Variants in LAMA2 observed in about 807,000 individuals in gnomAD.
The protein encoded by LAMA2 is laminin subunit alpha 2, also known as laminin subunit alpha-2.
In LAMA2, 269 loss-of-function variants were observed where a neutral mutation model predicts 364.8. The ratio of observed to expected loss-of-function variants is 0.74; its 90% CI spans 0.67 to 0.82. LAMA2 has a LOEUF of 0.82. Among genes scored for constraint, LAMA2 ranks in the 40% least tolerant of loss-of-function variants. The pLI is 0.00. For synonymous variants in LAMA2, 1,379 were observed against 1,370.6 expected, an observed-to-expected ratio of 1.01 and a Z score of -0.14; for missense variants, 3,807 against 3,873.2, an observed-to-expected ratio of 0.98 and a Z score of 0.45.
intron 1 of LAMA2, among the ~76,000 whole-genome samples, chr6:128,984,848 G>T (rs1783117151): frequency 6.6e-6 from 1 of 152,064 alleles, no homozygotes. Flanking sequence ...TAAATTCCAT[G>T]TATCCACCCT....
At chr6:129,236,315 T>C (rs1223963849) in intron 12 of LAMA2, among the ~76,000 whole-genome samples, 2 of 152,162 alleles carry the variant, frequency 1.3e-5, no homozygotes, top group East Asian at 3.9e-4. Flanking sequence ...ACTTTCATAT[T>C]CTATATTTTG....
At chr6:129,387,015 A>G (rs1478790297) in intron 35 of LAMA2, among the ~76,000 whole-genome samples, 3 of 152,066 alleles carry the variant, frequency 2.0e-5, no homozygotes, top group African/African-American at 7.2e-5. Context: ...GACTATTTCA[A>G]TAACAGTAAT....
intron 12 of LAMA2, among the ~76,000 whole-genome samples, chr6:129,203,238 C>G (rs746634837): frequency 1.3e-5 from 2 of 152,302 alleles, no homozygotes; most frequent in Admixed American, 1.3e-4. Context: ...TAAAACTTCA[C>G]GTTGTTTTCT....
chr6:129,177,986 A>T, intron 10 of LAMA2, 120 bp downstream of exon 10: 3 of 1,049,176 alleles, frequency 2.9e-6, no homozygotes, highest in Non-Finnish European at 4.3e-6. Flanking sequence ...TCCATAATCT[A>T]TTCTACGTGT....
intron 1 of LAMA2, among the ~76,000 whole-genome samples, chr6:128,973,650 G>A (rs528500403): frequency 2.0e-5 from 3 of 152,210 alleles, no homozygotes; most frequent in South Asian, 2.1e-4. Context: ...AGAGTTTGCC[G>A]AGTTTCTTCT....
At chr6:129,275,628 TAG>T (rs1374984408) in intron 17 of LAMA2, among the ~76,000 whole-genome samples, 1 of 151,676 alleles carries the variant, frequency 6.6e-6, no homozygotes, top group Non-Finnish European at 1.5e-5. Context: ...TATAAGGGAC[TAG>T]AGCAGGATGA....
At chr6:129,499,049 AATC>A (rs773746820) in intron 58 of LAMA2, among the ~76,000 whole-genome samples, 1 of 152,116 alleles carries the variant, frequency 6.6e-6, no homozygotes, top group Non-Finnish European at 1.5e-5. Flanking sequence ...TCACTGCTCT[AATC>A]AACAGGTGCA....
At chr6:129,009,937 T>C (rs933697182) in intron 1 of LAMA2, among the ~76,000 whole-genome samples, 7 of 152,174 alleles carry the variant, frequency 4.6e-5, no homozygotes, top group Non-Finnish European at 1.5e-5. Context: ...AGATTAAAAA[T>C]GCTCCAGTTG....
intron 37 of LAMA2, among the ~76,000 whole-genome samples, chr6:129,397,412 T>C (rs1694545265): frequency 6.6e-6 from 1 of 152,216 alleles, no homozygotes; most frequent in South Asian, 2.1e-4. Context: ...TCATTCATTT[T>C]ATCTCTCCTC....
At chr6:129,058,073 G>A (rs905662702) in intron 2 of LAMA2, among the ~76,000 whole-genome samples, 16 of 152,190 alleles carry the variant, frequency 1.1e-4, no homozygotes, top group African/African-American at 3.6e-4. Context: ...CTAGTGAGAT[G>A]TGAGGAATTT....
At chr6:128,947,052 T>C (rs1780525257) in intron 1 of LAMA2, among the ~76,000 whole-genome samples, 1 of 152,214 alleles carries the variant, frequency 6.6e-6, no homozygotes, top group Non-Finnish European at 1.5e-5. Context: ...AAGTAAAGTG[T>C]TATATCACAG....
At chr6:129,429,549 A>G (rs558259779) in intron 41 of LAMA2, among the ~76,000 whole-genome samples, 2 of 152,322 alleles carry the variant, frequency 1.3e-5, no homozygotes, top group African/African-American at 4.8e-5. Flanking sequence ...TAATAGTACA[A>G]TTCTTCAGGC....
At chr6:129,471,318 G>C (rs1348597408) in intron 51 of LAMA2, among the ~76,000 whole-genome samples, 1 of 151,916 alleles carries the variant, frequency 6.6e-6, no homozygotes, top group African/African-American at 2.4e-5. Context: ...CTTTAAGTCA[G>C]TAAAAATATG....
chr6:129,218,917 T>G (rs1262754769), intron 12 of LAMA2, among the ~76,000 whole-genome samples: 4 of 152,148 alleles, frequency 2.6e-5, no homozygotes, highest in Non-Finnish European at 5.9e-5. Context: ...ACCTGAAACT[T>G]TCATCTACCT....
At chr6:128,923,603 A>G (rs1778890322) in intron 1 of LAMA2, among the ~76,000 whole-genome samples, 1 of 152,202 alleles carries the variant, frequency 6.6e-6, no homozygotes, top group African/African-American at 2.4e-5. Flanking sequence ...GGATGAAGAT[A>G]TAGATAGTAG....
intron 29 of LAMA2, among the ~76,000 whole-genome samples, chr6:129,332,160 T>G: frequency 6.6e-6 from 1 of 152,212 alleles, no homozygotes. Context: ...ACTATTAAGT[T>G]TATGATTTAA....
intron 49 of LAMA2, 73 bp downstream of exon 49, chr6:129,460,397 T>A: frequency 1.4e-6 from 2 of 1,419,804 alleles, no homozygotes; most frequent in Non-Finnish European, 2.0e-6. Context: ...TGCATAATAT[T>A]CTATTATCAT....
chr6:129,475,285 T>C, intron 52 of LAMA2, 105 bp from the exon 53 acceptor site: 2 of 736,736 alleles, frequency 2.7e-6, no homozygotes, highest in South Asian at 4.0e-5. Flanking sequence ...TGAAATGATT[T>C]TTTAAAGATT....
intron 11 of LAMA2, 74 bp downstream of exon 11, chr6:129,190,419 A>T: frequency 2.0e-6 from 3 of 1,467,608 alleles, no homozygotes. Flanking sequence ...GTTCTTTTGT[A>T]TGAACAGTTT....
Sources: gnomAD v4.1 joint callset for allele counts (sites outside exome capture counted in the v4.1 genomes callset) on GRCh38, gnomAD v4.1.1 for gene constraint, MANE v1.5 for transcripts, NCBI Gene and HGNC (gene_info 2026-07-23, HGNC 2026-07-21) for gene names.